MACF1: variants seen among roughly 807,000 people sequenced by gnomAD.
The protein encoded by MACF1 is microtubule actin crosslinking factor 1.
Under a neutral mutation model 854.8 loss-of-function variants are expected in MACF1, and 193 were observed. That is an observed-to-expected ratio of 0.23 (90% CI 0.20 to 0.25). The LOEUF (loss-of-function observed/expected upper bound fraction) is 0.25, where lower values mean the gene tolerates loss of function less well. MACF1 is among the 10% of genes least tolerant of loss of function. The pLI is 1.00. For synonymous variants in MACF1, 3,185 were observed against 3,226.7 expected, an observed-to-expected ratio of 0.99 and a Z score of 0.44; for missense variants, 7,722 against 8,929.1, an observed-to-expected ratio of 0.86 and a Z score of 5.45.
intron 99 of MACF1, 96 bp from the exon 100 acceptor site, chr1:39,484,505 A>G: frequency 9.3e-7 from 1 of 1,073,146 alleles, no homozygotes; most frequent in South Asian, 1.6e-5. Context: ...TTTTCAACTA[A>G]GCAAATATAA....
intron 44 of MACF1, 116 bp from the exon 45 acceptor site, chr1:39,357,258 AC>A: frequency 8.6e-7 from 1 of 1,165,768 alleles, no homozygotes; most frequent in Non-Finnish European, 1.2e-6. Flanking sequence ...GGGTGAAAAG[AC>A]CAAGGCTGAA....
At chr1:39,477,066 T>TACACACACAC (rs1380193699) in intron 97 of MACF1, among the ~76,000 whole-genome samples, 27 of 17,112 alleles carry the variant, frequency 1.6e-3, no homozygotes, top group Middle Eastern at 0.056. Flanking sequence ...TATATATATA[T>TACACACACAC]ATATATATAT....
At chr1:39,355,262 C>T (rs1024209394) in intron 44 of MACF1, among the ~76,000 whole-genome samples, 1 of 152,178 alleles carries the variant, frequency 6.6e-6, no homozygotes, top group African/African-American at 2.4e-5. Context: ...GCTCCTCTGA[C>T]ACCTTTTGCT....
intron 58 of MACF1, among the ~76,000 whole-genome samples, chr1:39,404,905 A>G (rs1329394291): frequency 6.6e-6 from 1 of 152,144 alleles, no homozygotes; most frequent in African/African-American, 2.4e-5. Context: ...GCCTTCTCTG[A>G]TACCTCCTGC....
chr1:39,294,592 G>A (rs1199173765), intron 18 of MACF1, among the ~76,000 whole-genome samples: 1 of 152,224 alleles, frequency 6.6e-6, no homozygotes, highest in Non-Finnish European at 1.5e-5. Flanking sequence ...GTAAGGATCA[G>A]TATCCAGCTT....
At chr1:39,123,573 C>T (rs1421634347) in intron 2 of MACF1, among the ~76,000 whole-genome samples, 2 of 151,602 alleles carry the variant, frequency 1.3e-5, no homozygotes, top group African/African-American at 4.9e-5. Context: ...GAGTCTTACT[C>T]TGTCACCCAG....
chr1:39,236,944 C>T (rs1261309447), intron 2 of MACF1, among the ~76,000 whole-genome samples: 5 of 152,162 alleles, frequency 3.3e-5, no homozygotes, highest in African/African-American at 7.2e-5. Context: ...CATGAGCCAC[C>T]GCGTCCAGCC....
Position 39,332,370 on chromosome 1 carries a change from CA to C in MACF1, c.5783del (p.His1928ProfsTer4). 6.2e-7 allele frequency: 1 copy of C among 1,614,040 alleles called. No homozygotes were observed. ...KSICIPDVMPHMQLADSAEQN... is the reference protein window; with the variant it reads ...KSICIPDVMPXMQLADSAEQN... The stretch of plus-strand genomic sequence containing the variant: ...GATTTGTATACCTGATGTGATGCCC[CA>C]CATGCAACTAGCAGACTCTGCAGAA... On this transcript the variant is annotated frameshift_variant, in exon 37 of 101. Transcript: ENST00000564288. LOFTEE classifies it high-confidence loss of function.
intron 2 of MACF1, among the ~76,000 whole-genome samples, chr1:39,133,883 A>G (rs560738721): frequency 6.6e-6 from 1 of 152,210 alleles, no homozygotes; most frequent in Non-Finnish European, 1.5e-5. Context: ...ATTCTTACAA[A>G]ATAGGGAATT....
At chr1:39,468,327 T>A (rs951506185) in intron 95 of MACF1, among the ~76,000 whole-genome samples, 4 of 152,240 alleles carry the variant, frequency 2.6e-5, no homozygotes, top group Admixed American at 6.5e-5. Flanking sequence ...AGGCAGAGGT[T>A]ACAGTAAGCT....
intron 26 of MACF1, among the ~76,000 whole-genome samples, chr1:39,314,341 G>A (rs183357586): frequency 1.8e-3 from 268 of 152,024 alleles, no homozygotes; most frequent in African/African-American, 5.7e-3. Context: ...CCCGGGAGGC[G>A]GAGGTTGCAG....
intron 38 of MACF1, 82 bp from the exon 39 acceptor site, chr1:39,340,420 G>A (rs930172985): frequency 2.1e-6 from 2 of 954,380 alleles, no homozygotes; most frequent in Non-Finnish European, 3.3e-6. Context: ...TAGACATGGG[G>A]TGAGAGAGAA....
chr1:39,451,190 G>A lies in MACF1; in HGVS notation c.20397G>A (p.Met6799Ile). ...QPVHGDLDLV[M>I]NLMDAHKVFQ... is the part of the protein sequence containing the mutation. ...TGCACGGGGACCTTGACCTCGTCAT[G>A]AACCTCATGGATGCACACAAGGTAG... The change falls in exon 85 of 101, where the codon ATG (methionine) becomes ATA (isoleucine). Residue 6799 changes from methionine to isoleucine, a missense_variant. By Grantham distance (10) the Met-to-Ile change is conservative. Coordinates refer to ENST00000564288, the MANE Select transcript of MACF1 (RefSeq NM_001394062.1). The A allele has an allele frequency of 6.2e-7, 1 of 1,614,020 alleles. No homozygotes were observed. Among genetic ancestry groups the A allele is most frequent in the Non-Finnish European group, 8.5e-7 (1 of 1,179,948 alleles).
intron 2 of MACF1, among the ~76,000 whole-genome samples, chr1:39,118,211 G>A (rs112386618): frequency 0.019 from 2,871 of 152,328 alleles, 42 homozygotes; most frequent in South Asian, 0.046. Flanking sequence ...AAACATTCGT[G>A]TGCTCACAAG....
intron 6 of MACF1, 29 bp downstream of exon 6, chr1:39,258,057 T>C: frequency 6.4e-7 from 1 of 1,571,356 alleles, no homozygotes; most frequent in Non-Finnish European, 8.8e-7. Context: ...GGAATTCCTG[T>C]TGCTTTGTTT....
At chr1:39,266,088 T>C (rs923758546) in intron 6 of MACF1, among the ~76,000 whole-genome samples, 2 of 152,226 alleles carry the variant, frequency 1.3e-5, no homozygotes, top group Non-Finnish European at 2.9e-5. Context: ...GAAGGTCTGA[T>C]TGGTCTGACA....
rs577054877 is a variant in MACF1, at chr1:39,329,897, C to T, written c.4615-1306C>T. Among the ~76,000 whole-genome samples the T allele has an allele frequency of 2.6e-5, 4 of 152,316 alleles. No individual in the cohort carries two copies. The South Asian group carries it at 6.2e-4, about 24-fold the overall frequency. ...TGTGTTAAGATGTGACTCTACTGTA[C>T]TTGTCTTTTACAGTTTTCTGGGTCT... On this transcript the variant is annotated intron_variant, in intron 36 of 100. Transcript: ENST00000564288.
chr1:39,146,772 C>A (rs562687039), intron 2 of MACF1, among the ~76,000 whole-genome samples: 1 of 151,492 alleles, frequency 6.6e-6, no homozygotes, highest in Non-Finnish European at 1.5e-5. Context: ...TAAATAAAAC[C>A]TAGTATTTGC....
chr1:39,283,505 T>C lies in MACF1; in HGVS notation c.905T>C (p.Ile302Thr). The change falls in exon 9 of 101, where the codon ATC becomes ACC. Residue 302 changes from isoleucine (I) to threonine (T), a missense_variant. Ile to Thr is a moderately conservative substitution (Grantham distance 89). Around this residue, in one of 15 missense-constraint regions of MACF1, gnomAD observed 97 missense variants for 130.4 expected, o/e 0.74. Coordinates refer to ENST00000564288, the MANE Select transcript of MACF1 (RefSeq NM_001394062.1). This position sits in a 1 kb window ranked among gnomAD's most constrained non-coding sequence, Gnocchi z 4.5. ...FPKVPEGGEG[I>T]SATEVDSRWQ... ...AAAGTTCCTGAGGGTGGAGAAGGGA[T>C]CAGTGCTACGGTAAAAGAACATTTT... 6.2e-7 allele frequency: 1 copy of C among 1,600,030 alleles called. No individual in the cohort carries two copies. Among genetic ancestry groups the C allele is most frequent in the Non-Finnish European group, 8.6e-7 (1 of 1,167,216 alleles).
Sources: allele counts gnomAD v4.1 joint callset (sites outside exome capture counted in the v4.1 genomes callset), GRCh38; gene constraint gnomAD v4.1.1; regional missense constraint gnomAD v4.1.1; non-coding constraint Gnocchi (gnomAD v3.1); transcripts MANE v1.5; gene names NCBI Gene and HGNC (gene_info 2026-07-23, HGNC 2026-07-21).